Variants in SHISA9 observed in about 807,000 individuals in gnomAD.
SHISA9 encodes protein shisa-9.
SHISA9 carries 13 observed loss-of-function variants against 38.0 expected under a neutral mutation model. That is an observed-to-expected ratio of 0.34 (90% CI 0.22 to 0.54). SHISA9 has a LOEUF of 0.54. Ranked by LOEUF, SHISA9 falls within the 20% of genes least tolerant of loss-of-function variation. The pLI, the probability that SHISA9 is intolerant of heterozygous loss-of-function variation, is 0.91. For synonymous variants in SHISA9, 275 were observed against 242.0 expected (o/e 1.14, Z -1.27); for missense variants, 538 against 575.8 (o/e 0.93, Z 0.67).
chr16:13,188,055 A>T (rs1484451276), intron 2 of SHISA9, among the ~76,000 whole-genome samples: 2 of 152,108 alleles, frequency 1.3e-5, no homozygotes, highest in African/African-American at 4.8e-5. Flanking sequence ...TTGGGGGAAA[A>T]GCTGAGCCTC....
At chr16:13,027,974 C>A (rs2072945677) in intron 2 of SHISA9, among the ~76,000 whole-genome samples, 1 of 147,318 alleles carries the variant, frequency 6.8e-6, no homozygotes, top group Admixed American at 6.8e-5. Flanking sequence ...CTGAAAGAAG[C>A]CAAGCACTAA....
the SHISA9 span, among the ~76,000 whole-genome samples, chr16:13,347,449 C>T: frequency 8.8e-3 from 1,347 of 152,242 alleles, 22 homozygotes; most frequent in African/African-American, 0.031. Context: ...AAGGCCAGTA[C>T]CCACATAGGC....
chr16:13,029,122 A>G (rs924412964), intron 2 of SHISA9, among the ~76,000 whole-genome samples: 4 of 152,220 alleles, frequency 2.6e-5, no homozygotes, highest in African/African-American at 9.6e-5. Context: ...ACATGCTTCA[A>G]CAATCCCATT....
the SHISA9 span, among the ~76,000 whole-genome samples, chr16:13,396,209 A>G: frequency 6.6e-6 from 1 of 152,188 alleles, no homozygotes; most frequent in African/African-American, 2.4e-5. Context: ...TAATAGAAAC[A>G]CAAACTAAAT....
At chr16:13,416,773 AG>A in the SHISA9 span, among the ~76,000 whole-genome samples, 25,011 of 119,700 alleles carry the variant, frequency 0.21, 2,701 homozygotes, top group East Asian at 0.35. Context: ...GAAGGAAGGA[AG>A]GGAAGGAAGG....
intron 2 of SHISA9, among the ~76,000 whole-genome samples, chr16:12,919,257 C>G (rs1181780373): frequency 6.6e-6 from 1 of 152,038 alleles, no homozygotes; most frequent in African/African-American, 2.4e-5. Context: ...CAGAAGGCAC[C>G]CATTTAATAT....
At chr16:13,243,419 C>T (rs1205309908), downstream of SHISA9, among the ~76,000 whole-genome samples, 9 of 151,806 alleles carry the variant, frequency 5.9e-5, no homozygotes, top group Admixed American at 5.3e-4. Context: ...TTGGTTTGGT[C>T]CAGAAAGGCA....
the SHISA9 span, among the ~76,000 whole-genome samples, chr16:13,414,646 C>CTTTTTTTTT: frequency 1.3e-4 from 18 of 136,644 alleles, 3 homozygotes; most frequent in South Asian, 4.6e-4. Flanking sequence ...TTCTTTCTTT[C>CTTTTTTTTT]TTTCTTTTTT....
chr16:13,037,057 A>ATC (rs532486477), intron 2 of SHISA9, among the ~76,000 whole-genome samples: 3,331 of 70,436 alleles, frequency 0.047, 163 homozygotes, highest in African/African-American at 0.18. Context: ...GCAGGGAATG[A>ATC]TCACACACAC....
intron 2 of SHISA9, among the ~76,000 whole-genome samples, chr16:12,966,769 A>C (rs1474201976): frequency 1.3e-5 from 2 of 152,240 alleles, no homozygotes; most frequent in Non-Finnish European, 2.9e-5. Context: ...TAAATGAATG[A>C]AAAGAAAAAG....
chr16:13,530,325 T>C, the SHISA9 span, among the ~76,000 whole-genome samples: 4 of 151,934 alleles, frequency 2.6e-5, no homozygotes, highest in Non-Finnish European at 5.9e-5. Context: ...AATAAATAAA[T>C]AAATATCACC....
At chr16:13,284,401 T>C in the SHISA9 span, among the ~76,000 whole-genome samples, 1 of 152,180 alleles carries the variant, frequency 6.6e-6, no homozygotes, top group Non-Finnish European at 1.5e-5. Context: ...CATTTTCTTT[T>C]AGTATCTTGA....
the SHISA9 span, among the ~76,000 whole-genome samples, chr16:13,398,912 A>C: frequency 5.3e-5 from 8 of 152,194 alleles, no homozygotes; most frequent in Admixed American, 4.6e-4. Flanking sequence ...AATGGAGTTC[A>C]TTGGGTCATT....
At chr16:13,024,214 C>T (rs1298290439) in intron 2 of SHISA9, among the ~76,000 whole-genome samples, 7 of 152,368 alleles carry the variant, frequency 4.6e-5, no homozygotes, top group Admixed American at 3.3e-4. Flanking sequence ...AGAGCCCATA[C>T]TCTTTCTAGG....
chr16:13,539,318 AAAG>A, the SHISA9 span, among the ~76,000 whole-genome samples: 7 of 70,134 alleles, frequency 1.0e-4, no homozygotes, highest in South Asian at 5.1e-4. Flanking sequence ...ATATATATAT[AAAG>A]ACAGGATCTT....
chr16:13,150,460 T>G (rs1173201716), intron 2 of SHISA9, among the ~76,000 whole-genome samples: 2 of 152,066 alleles, frequency 1.3e-5, no homozygotes, highest in Non-Finnish European at 2.9e-5. Context: ...TTGGCCCTAT[T>G]TGTCAGCAGC....
chr16:13,443,326 T>G, the SHISA9 span, among the ~76,000 whole-genome samples: 2 of 152,218 alleles, frequency 1.3e-5, no homozygotes, highest in Admixed American at 6.5e-5. Flanking sequence ...GGATGTCATA[T>G]AGACCAAATG....
chr16:13,504,418 G>A, the SHISA9 span, among the ~76,000 whole-genome samples: 7 of 152,120 alleles, frequency 4.6e-5, no homozygotes, highest in Non-Finnish European at 8.8e-5. Flanking sequence ...GAAAACACGG[G>A]CCAGCATTGC....
intron 2 of SHISA9, among the ~76,000 whole-genome samples, chr16:12,974,672 G>C (rs909976489): frequency 4.6e-5 from 7 of 151,610 alleles, no homozygotes; most frequent in Non-Finnish European, 1.0e-4. Context: ...TTAGTAGAGC[G>C]GGGTTTTGCC....
Sources: allele counts gnomAD v4.1 joint callset (sites outside exome capture counted in the v4.1 genomes callset), GRCh38; gene constraint gnomAD v4.1.1; transcripts MANE v1.5; gene names NCBI Gene and HGNC (gene_info 2026-07-23, HGNC 2026-07-21).